LRRTM4: variants seen among roughly 807,000 people sequenced by gnomAD.
LRRTM4 encodes the protein leucine rich repeat transmembrane neuronal 4.
In LRRTM4, 25 loss-of-function variants were observed where a neutral mutation model predicts 47.6. That is an observed-to-expected ratio of 0.53 (90% CI 0.38 to 0.73). The LOEUF (loss-of-function observed/expected upper bound fraction) is 0.73, where lower values mean the gene tolerates loss of function less well. Ranked by LOEUF, LRRTM4 falls within the 30% of genes least tolerant of loss-of-function variation. The probability of loss-of-function intolerance (pLI) is 0.00; values close to 1 mark genes in which losing one functional copy is unlikely to be tolerated. For synonymous variants in LRRTM4, 311 were observed against 269.5 expected (o/e 1.15, Z -1.51); for missense variants, 638 against 713.4 (o/e 0.89, Z 1.20).
At chr2:77,255,054 TATG>T (rs1675725563) in intron 3 of LRRTM4, among the ~76,000 whole-genome samples, 1 of 151,956 alleles carries the variant, frequency 6.6e-6, no homozygotes, top group Non-Finnish European at 1.5e-5. Flanking sequence ...TCACTTAAAA[TATG>T]ATGATATATG....
At chr2:76,814,641 A>T (rs1670846022) in intron 3 of LRRTM4, among the ~76,000 whole-genome samples, 2 of 152,236 alleles carry the variant, frequency 1.3e-5, no homozygotes, top group Admixed American at 6.6e-5. Flanking sequence ...TTATGAGAGG[A>T]GGGGTGTAGG....
chr2:76,781,049 G>A (rs574512115), intron 3 of LRRTM4, among the ~76,000 whole-genome samples: 6 of 151,898 alleles, frequency 4.0e-5, no homozygotes, highest in Non-Finnish European at 7.4e-5. Context: ...CGTGCTTGGG[G>A]GTGCCTCCCA....
intron 3 of LRRTM4, among the ~76,000 whole-genome samples, chr2:77,328,989 C>G (rs1459811184): frequency 2.6e-5 from 4 of 152,114 alleles, no homozygotes; most frequent in Non-Finnish European, 4.4e-5. Context: ...TGAGTTTTCT[C>G]ATCTGTAAAA....
intron 3 of LRRTM4, among the ~76,000 whole-genome samples, chr2:76,836,156 C>T (rs1480743755): frequency 3.6e-5 from 1 of 28,048 alleles, no homozygotes; most frequent in African/African-American, 1.1e-4. Context: ...TTATAGTATG[C>T]GGTAAAAAAA....
At chr2:76,977,052 T>C (rs928946647) in intron 3 of LRRTM4, among the ~76,000 whole-genome samples, 1 of 151,720 alleles carries the variant, frequency 6.6e-6, no homozygotes, top group African/African-American at 2.4e-5. Flanking sequence ...TGTACGTGTA[T>C]GTGTACATAG....
At chr2:77,320,458 A>T (rs1207374703) in intron 3 of LRRTM4, among the ~76,000 whole-genome samples, 1 of 152,156 alleles carries the variant, frequency 6.6e-6, no homozygotes, top group Non-Finnish European at 1.5e-5. Context: ...CTCGCATGAG[A>T]TATTTGAAAT....
At chr2:76,822,351 A>T (rs1356897589) in intron 3 of LRRTM4, among the ~76,000 whole-genome samples, 1 of 151,564 alleles carries the variant, frequency 6.6e-6, no homozygotes, top group African/African-American at 2.4e-5. Context: ...TATTCTAGCG[A>T]AAACAGAAAT....
intron 3 of LRRTM4, among the ~76,000 whole-genome samples, chr2:77,183,414 T>G (rs1222806891): frequency 6.6e-6 from 1 of 152,062 alleles, no homozygotes; most frequent in African/African-American, 2.4e-5. Context: ...TGGCGATCAT[T>G]AAAAAGTCAG....
At chr2:77,161,973 G>A (rs12616014) in intron 3 of LRRTM4, among the ~76,000 whole-genome samples, 69,899 of 152,004 alleles carry the variant, frequency 0.46, 18,065 homozygotes, top group Admixed American at 0.57. Flanking sequence ...CACAGAAGAC[G>A]AGTGATTTCT....
intron 3 of LRRTM4, among the ~76,000 whole-genome samples, chr2:76,848,403 A>C (rs967466695): frequency 2.0e-5 from 3 of 152,098 alleles, no homozygotes; most frequent in African/African-American, 7.2e-5. Context: ...AAAGACTCCA[A>C]AATTATATAC....
intron 3 of LRRTM4, among the ~76,000 whole-genome samples, chr2:77,491,513 C>T (rs1558768371): frequency 6.6e-6 from 1 of 151,938 alleles, no homozygotes; most frequent in East Asian, 1.9e-4. Context: ...GATTCCACAA[C>T]ATCCAGCAAA....
intron 3 of LRRTM4, among the ~76,000 whole-genome samples, chr2:77,085,802 C>T (rs1446404008): frequency 1.3e-5 from 2 of 152,106 alleles, no homozygotes; most frequent in African/African-American, 2.4e-5. Context: ...TTATCACAAA[C>T]TGATTAGCTA....
At chr2:76,985,991 T>G (rs1249995472) in intron 3 of LRRTM4, 4 of 152,030 alleles carry the variant, frequency 2.6e-5, no homozygotes, top group South Asian at 2.1e-4. Context: ...CTTGGCTGCT[T>G]CTAGCAAAGG....
chr2:76,872,755 G>T (rs1317813622), intron 3 of LRRTM4, among the ~76,000 whole-genome samples: 1 of 152,032 alleles, frequency 6.6e-6, no homozygotes, highest in African/African-American at 2.4e-5. Context: ...CTAACAGGAG[G>T]TGTTTGGGTC....
chr2:77,081,655 A>G (rs1041276350), intron 3 of LRRTM4, among the ~76,000 whole-genome samples: 6 of 152,148 alleles, frequency 3.9e-5, no homozygotes, highest in Middle Eastern at 3.2e-3. Flanking sequence ...GGGGTTCTAT[A>G]TATTTTTCTC....
intron 3 of LRRTM4, among the ~76,000 whole-genome samples, chr2:76,944,962 G>A (rs1367991191): frequency 6.6e-6 from 1 of 152,066 alleles, no homozygotes; most frequent in Non-Finnish European, 1.5e-5. Context: ...GTTTTTACGA[G>A]TCCAGGGCTG....
At chr2:76,858,514 A>G (rs142091717) in intron 3 of LRRTM4, among the ~76,000 whole-genome samples, 1 of 152,166 alleles carries the variant, frequency 6.6e-6, no homozygotes, top group Non-Finnish European at 1.5e-5. Flanking sequence ...GTGGGGCTAT[A>G]TGTTTTGTTT....
intron 3 of LRRTM4, among the ~76,000 whole-genome samples, chr2:76,817,447 T>A (rs1440598204): frequency 6.6e-6 from 1 of 151,884 alleles, no homozygotes; most frequent in Non-Finnish European, 1.5e-5. Context: ...CAATGAACAT[T>A]TTCGAGTTAT....
At chr2:77,000,759 C>T (rs1677391178) in intron 3 of LRRTM4, among the ~76,000 whole-genome samples, 1 of 152,084 alleles carries the variant, frequency 6.6e-6, no homozygotes, top group Admixed American at 6.6e-5. Context: ...TGTTTTTCTT[C>T]ATAACTATTA....
Sources: allele counts gnomAD v4.1 joint callset (sites outside exome capture counted in the v4.1 genomes callset), GRCh38; gene constraint gnomAD v4.1.1; transcripts MANE v1.5; gene names NCBI Gene and HGNC (gene_info 2026-07-23, HGNC 2026-07-21).